The following RHBDL2 variants were observed in gnomAD, a reference collection of about 807,000 sequenced individuals.
RHBDL2 encodes the protein rhomboid-related protein 2.
In RHBDL2, 26 loss-of-function variants were observed where a neutral mutation model predicts 31.7. The observed-to-expected ratio is 0.82, with a 90% CI of 0.60 to 1.14. RHBDL2 has a LOEUF of 1.14. Among genes scored for constraint, RHBDL2 ranks in the 50% most tolerant of loss-of-function variants. RHBDL2 has a pLI of 0.00. For synonymous variants in RHBDL2, 123 were observed against 127.2 expected (o/e 0.97, Z 0.22); for missense variants, 336 against 364.4 (o/e 0.92, Z 0.63).
At chr1:38,901,840 T>A (rs929888678) in intron 4 of RHBDL2, among the ~76,000 whole-genome samples, 2 of 122,710 alleles carry the variant, frequency 1.6e-5, no homozygotes, top group South Asian at 2.3e-4. Flanking sequence ...TCAAAAAAAA[T>A]AAAATAAATA....
At chr1:38,918,824 A>G in intron 2 of RHBDL2, 143 bp downstream of exon 2, 1 of 947,922 alleles carries the variant, frequency 1.1e-6, no homozygotes, top group South Asian at 1.8e-5. Flanking sequence ...GAGCAGAGGC[A>G]GAGGTGAGGT....
intron 1 of RHBDL2, among the ~76,000 whole-genome samples, chr1:38,927,622 T>G (rs1183992648): frequency 6.6e-6 from 1 of 152,204 alleles, no homozygotes; most frequent in African/African-American, 2.4e-5. Context: ...ACCTGAATTC[T>G]ACTCCCAGCA....
intron 7 of RHBDL2, among the ~76,000 whole-genome samples, chr1:38,887,351 G>T (rs1215136413): frequency 3.3e-5 from 5 of 152,080 alleles, no homozygotes; most frequent in Non-Finnish European, 7.3e-5. Flanking sequence ...AAGTAGCTGG[G>T]ACTACAGGCA....
intron 1 of RHBDL2, among the ~76,000 whole-genome samples, chr1:38,931,250 T>A (rs1643435622): frequency 6.6e-6 from 1 of 152,158 alleles, no homozygotes; most frequent in Non-Finnish European, 1.5e-5. Context: ...GGCCAGGCAC[T>A]ATGGCTCACG....
chr1:38,889,285 C>T (rs950123765), intron 6 of RHBDL2, among the ~76,000 whole-genome samples: 11 of 151,952 alleles, frequency 7.2e-5, no homozygotes, highest in Non-Finnish European at 2.9e-5. Flanking sequence ...GTAGAGACAG[C>T]ATTTCACCGT....
intron 1 of RHBDL2, among the ~76,000 whole-genome samples, chr1:38,924,903 T>A (rs1024366018): frequency 1.3e-5 from 2 of 149,322 alleles, no homozygotes; most frequent in Non-Finnish European, 3.0e-5. Context: ...TGCCTCAAAC[T>A]CCCAAGTAGC....
At chr1:38,897,698 G>A (rs1642937204) in intron 4 of RHBDL2, among the ~76,000 whole-genome samples, 2 of 152,074 alleles carry the variant, frequency 1.3e-5, no homozygotes, top group Admixed American at 1.3e-4. Context: ...CTGGGTGACA[G>A]AGGAAGACCT....
chr1:38,912,906 ATATATGTGTGTG>A (rs1262127546), intron 3 of RHBDL2, among the ~76,000 whole-genome samples: 9 of 34,134 alleles, frequency 2.6e-4, no homozygotes, highest in South Asian at 6.7e-4. Flanking sequence ...ATATATATAT[ATATATGTGTGTG>A]TGTGTGTGTG....
chr1:38,938,030 T>G (rs1290003365), intron 1 of RHBDL2, among the ~76,000 whole-genome samples: 1 of 152,142 alleles, frequency 6.6e-6, no homozygotes, highest in Admixed American at 6.5e-5. Flanking sequence ...TAATTTTTTT[T>G]TTTTTGAGAC....
intron 1 of RHBDL2, among the ~76,000 whole-genome samples, chr1:38,931,239 C>A (rs1263504157): frequency 6.6e-6 from 1 of 152,002 alleles, no homozygotes. Flanking sequence ...AATCTGCAGG[C>A]GGCCAGGCAC....
intron 1 of RHBDL2, among the ~76,000 whole-genome samples, chr1:38,939,976 T>G (rs34297903): frequency 0.044 from 6,667 of 152,146 alleles, 160 homozygotes; most frequent in South Asian, 0.06. Context: ...GCCCCCAGCC[T>G]GGTCTTTCTA....
At chr1:38,937,332 T>C (rs1000057518) in intron 1 of RHBDL2, among the ~76,000 whole-genome samples, 5 of 152,218 alleles carry the variant, frequency 3.3e-5, no homozygotes, top group African/African-American at 1.2e-4. Context: ...CTAATCTCTC[T>C]TTACTTGCTA....
intron 1 of RHBDL2, among the ~76,000 whole-genome samples, chr1:38,939,828 G>T (rs1036157553): frequency 6.6e-6 from 1 of 151,940 alleles, no homozygotes; most frequent in Non-Finnish European, 1.5e-5. Flanking sequence ...TACGGCTGGC[G>T]TGAGCCACCG....
intron 4 of RHBDL2, among the ~76,000 whole-genome samples, chr1:38,910,075 T>C (rs1431295345): frequency 6.6e-6 from 1 of 152,206 alleles, no homozygotes; most frequent in Non-Finnish European, 1.5e-5. Flanking sequence ...CGGAGAATTA[T>C]GCTGAGTGAA....
At chr1:38,925,921 A>G (rs1358281343) in intron 1 of RHBDL2, 9 of 1,256,692 alleles carry the variant, frequency 7.2e-6, no homozygotes, top group South Asian at 3.8e-5. Flanking sequence ...ATATTCATTT[A>G]TAATGGGCCT....
chr1:38,889,679 G>A (rs9438979), intron 6 of RHBDL2, among the ~76,000 whole-genome samples: 2 of 151,946 alleles, frequency 1.3e-5, no homozygotes, highest in African/African-American at 2.4e-5. Context: ...TTAGGCAGTC[G>A]TCAAGTAAGT....
At chr1:38,941,389 G>A (rs1316167284) in intron 1 of RHBDL2, among the ~76,000 whole-genome samples, 2 of 152,096 alleles carry the variant, frequency 1.3e-5, no homozygotes, top group African/African-American at 4.8e-5. Context: ...AGTGTGAAGG[G>A]CAGGGAAGAG....
intron 3 of RHBDL2, 112 bp from the exon 4 acceptor site, chr1:38,911,546 G>C: frequency 1.4e-6 from 1 of 697,472 alleles, no homozygotes; most frequent in Admixed American, 2.8e-5. Context: ...TGCTTAACTA[G>C]AATTCCATTT....
chr1:38,915,672 C>T lies in RHBDL2; in HGVS notation c.285G>A (p.Gln95=). ...CTGTGTCCAACGTGATCCACTGTTT[C>T]TGAGGCTTCCACACAGCATAGTAAA... ...VFIYYAVWKP[Q]KQWITLDTGI... The change falls in exon 3 of 8, where the codon CAG becomes CAA. Residue 95 remains glutamine, a synonymous_variant. Coordinates refer to ENST00000372990, the MANE Select transcript of RHBDL2 (RefSeq NM_017821.5). 6.2e-7 allele frequency: 1 copy of T among 1,614,170 alleles called. No homozygotes were observed. The highest frequency in any genetic ancestry group is 8.5e-7 in the Non-Finnish European group (1 of 1,180,030).
Sources: allele counts gnomAD v4.1 joint callset (sites outside exome capture counted in the v4.1 genomes callset), GRCh38; gene constraint gnomAD v4.1.1; transcripts MANE v1.5; gene names NCBI Gene and HGNC (gene_info 2026-07-23, HGNC 2026-07-21).